The following GPD2 variants were observed in gnomAD, a reference collection of about 807,000 sequenced individuals.
The protein encoded by GPD2 is glycerol-3-phosphate dehydrogenase, mitochondrial.
In GPD2, 54 loss-of-function variants were observed where a neutral mutation model predicts 82.4. The observed-to-expected ratio is 0.66, with a 90% confidence interval of 0.53 to 0.82. The LOEUF is 0.82. GPD2 is among the 40% of genes least tolerant of loss of function. The probability of loss-of-function intolerance (pLI) is 0.00; values close to 1 mark genes in which losing one functional copy is unlikely to be tolerated. For missense variants in GPD2, 748 were observed against 896.2 expected, an observed-to-expected ratio of 0.83 and a Z score of 2.11; for synonymous variants, 288 against 306.1, an observed-to-expected ratio of 0.94 and a Z score of 0.62.
chr2:156,404,553 A>G, the GPD2 span, among the ~76,000 whole-genome samples: 1 of 151,912 alleles, frequency 6.6e-6, no homozygotes, highest in Non-Finnish European at 1.5e-5. Context: ...GTTTAAGAAA[A>G]GTTTAGGCCA....
rs962697865 is a variant in GPD2, at chr2:156,530,642, C to G, written c.661+17146C>G. 2.6e-3 allele frequency among the ~76,000 whole-genome samples: 391 copies of G among 151,810 alleles called. 3 individuals carry two copies. The highest frequency in any genetic ancestry group is 8.5e-3 in the African/African-American group (353 of 41,388). On this transcript the variant is annotated intron_variant, in intron 6 of 16. Transcript: ENST00000438166. ...TTTATTGAGAGTTTTTAGCATGAAGCGTTGTTGAATTTTGTCAAAGGCCTT... is the reference window on the plus strand; with the variant it reads ...TTTATTGAGAGTTTTTAGCATGAAGGGTTGTTGAATTTTGTCAAAGGCCTT...
chr2:156,522,795 T>G (rs767211552), intron 6 of GPD2, among the ~76,000 whole-genome samples: 14 of 152,080 alleles, frequency 9.2e-5, no homozygotes, highest in Non-Finnish European at 1.5e-4. Context: ...GCTAAAAATC[T>G]ACATTGATAG....
At chr2:156,570,849 G>T (rs540038012) in intron 12 of GPD2, among the ~76,000 whole-genome samples, 1 of 152,246 alleles carries the variant, frequency 6.6e-6, no homozygotes, top group Admixed American at 6.6e-5. Flanking sequence ...GATGACTGTG[G>T]ATGGTTAATG....
intron 3 of GPD2, among the ~76,000 whole-genome samples, chr2:156,507,094 A>G (rs1264308501): frequency 6.6e-6 from 1 of 151,540 alleles, no homozygotes; most frequent in Non-Finnish European, 1.5e-5. Context: ...GCTCACTGCA[A>G]CCTCCGCCTC....
chr2:156,417,609 T>C, the GPD2 span, among the ~76,000 whole-genome samples: 1 of 152,160 alleles, frequency 6.6e-6, no homozygotes, highest in South Asian at 2.1e-4. Context: ...TTTTACAATT[T>C]TTCTTTATTT....
At chr2:156,562,858 G>A (rs551843326) in intron 9 of GPD2, among the ~76,000 whole-genome samples, 128 of 152,216 alleles carry the variant, frequency 8.4e-4, no homozygotes, top group African/African-American at 3.0e-3. Flanking sequence ...TTTTGGGAAT[G>A]TAATACAAAT....
Position 156,471,373 on chromosome 2 carries a change from G to A in GPD2, c.-8-4725G>A, listed in dbSNP as rs530094802. On this transcript the variant is annotated intron_variant, in intron 1 of 16. Transcript: ENST00000438166. Reference sequence around the variant, plus strand: ...TCTACTTGAACAGTCTTTACAGAACGTTAGACAAAACATCTTACTTCCTTA... The same window carrying A: ...TCTACTTGAACAGTCTTTACAGAACATTAGACAAAACATCTTACTTCCTTA... 2.1e-3 allele frequency among the ~76,000 whole-genome samples: 314 copies of A among 152,270 alleles called. 1 individual carries two copies. Among genetic ancestry groups the A allele is most frequent in the Non-Finnish European group, 3.2e-3 (221 of 68,030 alleles).
chr2:156,404,277 G>A, the GPD2 span, among the ~76,000 whole-genome samples: 24 of 152,036 alleles, frequency 1.6e-4, no homozygotes, highest in African/African-American at 2.4e-5. Flanking sequence ...CCAGCTACTT[G>A]GGAGACTAAG....
chr2:156,457,165 C>T (rs1359506458), intron 1 of GPD2, among the ~76,000 whole-genome samples: 2 of 152,076 alleles, frequency 1.3e-5, no homozygotes, highest in Non-Finnish European at 2.9e-5. Context: ...GAGTTTGTGA[C>T]AGAGCCAGAA....
the GPD2 span, among the ~76,000 whole-genome samples, chr2:156,421,617 C>T: frequency 6.6e-6 from 1 of 152,146 alleles, no homozygotes; most frequent in African/African-American, 2.4e-5. Context: ...CTTAGATTAT[C>T]CCTAAAGTTC....
At chr2:156,535,428 G>C (rs1339229853) in intron 6 of GPD2, among the ~76,000 whole-genome samples, 6 of 70,118 alleles carry the variant, frequency 8.6e-5, no homozygotes, top group Non-Finnish European at 2.1e-4. Context: ...AGGAAAGAGA[G>C]GGGGGTGGGG....
chr2:156,435,020 A>G (rs1002767891), upstream of GPD2, among the ~76,000 whole-genome samples: 1 of 151,846 alleles, frequency 6.6e-6, no homozygotes, highest in African/African-American at 2.4e-5. Flanking sequence ...CCTCCCCCCA[A>G]TTTTAATGTG....
intron 8 of GPD2, among the ~76,000 whole-genome samples, chr2:156,553,163 C>G (rs1248460898): frequency 1.3e-5 from 2 of 152,066 alleles, no homozygotes; most frequent in Non-Finnish European, 2.9e-5. Context: ...GCTGGGATTA[C>G]AGACGTGAGC....
chr2:156,515,032 A>G (rs1380519736), intron 6 of GPD2, among the ~76,000 whole-genome samples: 2 of 152,162 alleles, frequency 1.3e-5, no homozygotes, highest in Non-Finnish European at 2.9e-5. Context: ...ACCCTCTCAC[A>G]TACTTACTCA....
intron 8 of GPD2, among the ~76,000 whole-genome samples, chr2:156,553,672 G>A (rs1257718307): frequency 6.6e-6 from 1 of 152,090 alleles, no homozygotes; most frequent in East Asian, 1.9e-4. Context: ...TTAAAATCAT[G>A]TTTTTACAAG....
chr2:156,538,750 G>C (rs188257050), intron 6 of GPD2, among the ~76,000 whole-genome samples: 7 of 151,492 alleles, frequency 4.6e-5, no homozygotes, highest in Admixed American at 3.9e-4. Context: ...GAATCCAGGA[G>C]GGGGAGCTTG....
At chr2:156,426,824 T>G in the GPD2 span, among the ~76,000 whole-genome samples, 1 of 99,160 alleles carries the variant, frequency 1.0e-5, no homozygotes, top group Non-Finnish European at 2.1e-5. Flanking sequence ...GTGGAGAAAT[T>G]TAAAAAAAAA....
intron 11 of GPD2, 40 bp downstream of exon 11, chr2:156,569,578 T>C (rs1461510587): frequency 6.8e-7 from 1 of 1,462,906 alleles, no homozygotes. Flanking sequence ...CTTTACCTAA[T>C]CTCTCACTGC....
intron 6 of GPD2, among the ~76,000 whole-genome samples, chr2:156,519,688 G>A (rs1315091135): frequency 6.6e-6 from 1 of 152,216 alleles, no homozygotes; most frequent in Admixed American, 6.5e-5. Context: ...AGTGAGATAG[G>A]AGAGTTGCCT....
Sources: gnomAD v4.1 joint callset for allele counts (sites outside exome capture counted in the v4.1 genomes callset) on GRCh38, gnomAD v4.1.1 for gene constraint, MANE v1.5 for transcripts, NCBI Gene and HGNC (gene_info 2026-07-23, HGNC 2026-07-21) for gene names.